RAPGEF4: variants seen among roughly 807,000 people sequenced by gnomAD.
The protein encoded by RAPGEF4 is RAP guanine-nucleotide-exchange factor (GEF) 4.
A neutral mutation model predicts 147.9 loss-of-function variants in RAPGEF4; 66 were observed. The observed-to-expected ratio is 0.45, with a 90% CI of 0.37 to 0.55. RAPGEF4 has a LOEUF of 0.55. Ranked by LOEUF, RAPGEF4 falls within the 20% of genes least tolerant of loss-of-function variation. The probability of loss-of-function intolerance (pLI) is 0.00; values close to 1 mark genes in which losing one functional copy is unlikely to be tolerated. For synonymous variants in RAPGEF4, 419 were observed against 442.7 expected (o/e 0.95, Z 0.67); for missense variants, 1,071 against 1,257.3 (o/e 0.85, Z 2.24).
intron 4 of RAPGEF4, among the ~76,000 whole-genome samples, chr2:172,861,147 G>T (rs1304813443): frequency 6.6e-6 from 1 of 152,210 alleles, no homozygotes; most frequent in African/African-American, 2.4e-5. Flanking sequence ...CCTGCTGATT[G>T]TTGCTCTGAG....
chr2:172,812,771 T>C (rs1688148302), intron 3 of RAPGEF4, among the ~76,000 whole-genome samples: 1 of 152,240 alleles, frequency 6.6e-6, no homozygotes, highest in African/African-American at 2.4e-5. Context: ...AAAAGAATTC[T>C]TTCCGAAGGG....
At chr2:173,012,318 G>A (rs1460173444) in intron 17 of RAPGEF4, among the ~76,000 whole-genome samples, 7 of 152,100 alleles carry the variant, frequency 4.6e-5, no homozygotes, top group African/African-American at 1.2e-4. Context: ...GACACATACC[G>A]TACTCAGAAT....
intron 5 of RAPGEF4, among the ~76,000 whole-genome samples, chr2:172,921,763 C>T (rs1345289179): frequency 1.3e-5 from 2 of 152,232 alleles, no homozygotes; most frequent in African/African-American, 4.8e-5. Context: ...ACAGCCTCTG[C>T]TGTGCTCAGA....
At chr2:172,815,705 G>A (rs1289813577) in intron 4 of RAPGEF4, among the ~76,000 whole-genome samples, 2 of 152,176 alleles carry the variant, frequency 1.3e-5, no homozygotes, top group Admixed American at 6.5e-5. Flanking sequence ...TAACTGTGAT[G>A]TGTGTCATTA....
intron 4 of RAPGEF4, among the ~76,000 whole-genome samples, chr2:172,815,344 T>C (rs1688397015): frequency 6.6e-6 from 1 of 152,236 alleles, no homozygotes; most frequent in Non-Finnish European, 1.5e-5. Flanking sequence ...GAGTGATGCT[T>C]TGCCTTAAAA....
chr2:172,999,282 A>T (rs1308194363), intron 16 of RAPGEF4, among the ~76,000 whole-genome samples: 1 of 152,104 alleles, frequency 6.6e-6, no homozygotes, highest in Non-Finnish European at 1.5e-5. Flanking sequence ...TGCCTTGGAG[A>T]TAAAGAACAA....
At chr2:172,741,257 C>T (rs987521189) in intron 1 of RAPGEF4, among the ~76,000 whole-genome samples, 3 of 152,230 alleles carry the variant, frequency 2.0e-5, no homozygotes, top group African/African-American at 7.2e-5. Flanking sequence ...TAATGGCCTG[C>T]TTACTTCTCT....
At chr2:172,885,437 C>A (rs530528260) in intron 4 of RAPGEF4, among the ~76,000 whole-genome samples, 5 of 152,278 alleles carry the variant, frequency 3.3e-5, no homozygotes, top group African/African-American at 9.6e-5. Context: ...CAGCTGGTCG[C>A]CCTGTGTATT....
intron 6 of RAPGEF4, among the ~76,000 whole-genome samples, chr2:172,948,766 C>T (rs771593695): frequency 6.6e-6 from 1 of 151,952 alleles, no homozygotes; most frequent in East Asian, 1.9e-4. Context: ...AATACATGGA[C>T]CCACAGAGAG....
At chr2:172,875,601 T>A (rs1187004475) in intron 4 of RAPGEF4, among the ~76,000 whole-genome samples, 5 of 152,160 alleles carry the variant, frequency 3.3e-5, no homozygotes, top group East Asian at 3.9e-4. Flanking sequence ...TGTTCCATTG[T>A]TCTATATCTC....
At chr2:172,923,058 T>G (rs1684923691) in intron 6 of RAPGEF4, among the ~76,000 whole-genome samples, 1 of 152,240 alleles carries the variant, frequency 6.6e-6, no homozygotes, top group African/African-American at 2.4e-5. Context: ...GTTACAGGAT[T>G]GTCACCTTTG....
chr2:172,825,228 T>C (rs1461314217), intron 4 of RAPGEF4, among the ~76,000 whole-genome samples: 1 of 152,258 alleles, frequency 6.6e-6, no homozygotes, highest in Non-Finnish European at 1.5e-5. Context: ...TACATTAGCC[T>C]ACAGTTGGCC....
chr2:172,792,052 C>A (rs983281575), intron 1 of RAPGEF4, among the ~76,000 whole-genome samples: 1 of 152,180 alleles, frequency 6.6e-6, no homozygotes, highest in Admixed American at 6.5e-5. Flanking sequence ...TGATTCCTCC[C>A]ACGGTCACTT....
intron 4 of RAPGEF4, among the ~76,000 whole-genome samples, chr2:172,828,558 C>A (rs949681648): frequency 6.6e-6 from 1 of 152,124 alleles, no homozygotes; most frequent in Non-Finnish European, 1.5e-5. Flanking sequence ...TCTCTTGGTG[C>A]AGAAACACAT....
intron 3 of RAPGEF4, among the ~76,000 whole-genome samples, chr2:172,808,615 G>A (rs1687724782): frequency 6.6e-6 from 1 of 152,170 alleles, no homozygotes; most frequent in South Asian, 2.1e-4. Flanking sequence ...TGGATCACCT[G>A]TTATGTGCCA....
intron 4 of RAPGEF4, among the ~76,000 whole-genome samples, chr2:172,906,842 C>T (rs1219648154): frequency 6.6e-6 from 1 of 152,218 alleles, no homozygotes; most frequent in Non-Finnish European, 1.5e-5. Context: ...CCTTTCTTCT[C>T]TGCATCTTGC....
At chr2:172,883,101 A>G (rs1037933828) in intron 4 of RAPGEF4, among the ~76,000 whole-genome samples, 1 of 71,884 alleles carries the variant, frequency 1.4e-5, no homozygotes, top group South Asian at 6.7e-4. Context: ...AATATGTGTT[A>G]AAAAAAAAAA....
At chr2:172,980,362 C>A (rs911736670) in intron 10 of RAPGEF4, among the ~76,000 whole-genome samples, 1 of 152,046 alleles carries the variant, frequency 6.6e-6, no homozygotes, top group African/African-American at 2.4e-5. Context: ...GTTTGGAGAA[C>A]AAGATTTAGG....
intron 4 of RAPGEF4, among the ~76,000 whole-genome samples, chr2:172,913,195 C>T (rs1016324826): frequency 6.6e-6 from 1 of 152,084 alleles, no homozygotes; most frequent in Non-Finnish European, 1.5e-5. Flanking sequence ...TGCGCCCAGC[C>T]CTCACTCTTC....
Sources: allele counts gnomAD v4.1 joint callset (sites outside exome capture counted in the v4.1 genomes callset), GRCh38; gene constraint gnomAD v4.1.1; transcripts MANE v1.5; gene names NCBI Gene and HGNC (gene_info 2026-07-23, HGNC 2026-07-21).